Variants in CPLANE1 observed in about 807,000 individuals in gnomAD.
CPLANE1 encodes ciliogenesis and planar polarity effector 1.
CPLANE1 carries 263 observed loss-of-function variants against 362.5 expected under a neutral mutation model. The ratio of observed to expected loss-of-function variants is 0.73; its 90% CI spans 0.66 to 0.80. The LOEUF (loss-of-function observed/expected upper bound fraction) is 0.80. Among genes scored for constraint, CPLANE1 ranks in the 30% least tolerant of loss-of-function variants. The pLI, the probability that CPLANE1 is intolerant of heterozygous loss-of-function variation, is 0.00. For missense variants in CPLANE1, 3,461 were observed against 3,793.4 expected, an observed-to-expected ratio of 0.91 and a Z score of 2.30; for synonymous variants, 1,212 against 1,302.6, an observed-to-expected ratio of 0.93 and a Z score of 1.50.
intron 9 of CPLANE1, among the ~76,000 whole-genome samples, chr5:37,228,675 G>A (rs1796990749): frequency 6.6e-6 from 1 of 151,940 alleles, no homozygotes; most frequent in Admixed American, 6.6e-5. Context: ...AAATGTGGGG[G>A]ACAACATACT....
Position 37,142,333 on chromosome 5 carries a change from C to T in CPLANE1, c.8609G>A (p.Ser2870Asn). The change falls in exon 44 of 53, where the codon AGT becomes AAT. Residue 2870 changes from serine to asparagine, a missense_variant. Transcript: ENST00000651892. ...ADSAVSLSSS[S>N]DQNTTSPGMN... ...ACCAGGAGAAGTAGTATTCTGATCA[C>T]TGGAACTGGAAAGGCTGACAGCTGA... 1 of 1,600,040 alleles carries T rather than the reference C, an allele frequency of 6.2e-7. No homozygotes were observed. Among genetic ancestry groups the T allele is most frequent in the Non-Finnish European group, 8.5e-7 (1 of 1,174,990 alleles).
At chr5:37,133,018 T>TA (rs1766437683) in intron 46 of CPLANE1, among the ~76,000 whole-genome samples, 1 of 152,182 alleles carries the variant, frequency 6.6e-6, no homozygotes. Flanking sequence ...ACAACCTTTA[T>TA]AGGGAGTCAT....
chr5:37,128,583 C>T (rs1247183580), intron 46 of CPLANE1, among the ~76,000 whole-genome samples: 2 of 151,982 alleles, frequency 1.3e-5, no homozygotes, highest in African/African-American at 4.8e-5. Context: ...CCATAAGGGC[C>T]AGGTGGCTCA....
At chr5:37,117,060 T>C (rs1761221050) in intron 50 of CPLANE1, among the ~76,000 whole-genome samples, 1 of 152,200 alleles carries the variant, frequency 6.6e-6, no homozygotes, top group African/African-American at 2.4e-5. Flanking sequence ...CTTTTATCTT[T>C]GCCTTAAAAG....
At position 37,194,997 on chromosome 5, in the gene CPLANE1, C is replaced by CA. The variant is rs374030741; in HGVS notation, c.3811+860dup. 1.5e-3 allele frequency among the ~76,000 whole-genome samples: 231 copies of CA among 150,946 alleles called. 1 individual carries two copies. Among genetic ancestry groups the CA allele is most frequent in the African/African-American group, 5.3e-3 (216 of 41,090 alleles). On this transcript the variant is annotated intron_variant, in intron 21 of 52. Coordinates refer to ENST00000651892, the MANE Select transcript of CPLANE1 (RefSeq NM_001384732.1). ...GAAACCCCGTCTCTACTAAAAAATA[C>CA]AAAAAAAATTAGCCGGGCACGGTGG...
chr5:37,128,368 G>A (rs2150184861), intron 46 of CPLANE1, among the ~76,000 whole-genome samples: 1 of 152,286 alleles, frequency 6.6e-6, no homozygotes, highest in Admixed American at 6.5e-5. Context: ...AACTACTGAA[G>A]TAAGTCTTCT....
intron 46 of CPLANE1, 109 bp downstream of exon 46, chr5:37,138,611 T>C: frequency 8.2e-7 from 1 of 1,224,788 alleles, no homozygotes; most frequent in Non-Finnish European, 1.2e-6. Context: ...AAATCTATTC[T>C]AAGCTTCAGA....
At position 37,145,284 on chromosome 5, in the gene CPLANE1, G is replaced by A. The variant is rs181957679; in HGVS notation, c.8462-2804C>T. ...CACACCACTGCACTCTCCAGACTGG[G>A]CCACAGTGTGAGACTCCATCTCAAA... On this transcript the variant is annotated intron_variant, in intron 43 of 52. Transcript: ENST00000651892. Among the ~76,000 whole-genome samples, 524 of 152,266 alleles carry A rather than the reference G, an allele frequency of 3.4e-3. 2 individuals carry two copies. The highest frequency in any genetic ancestry group is 0.012 in the African/African-American group (504 of 41,550).
rs189769641 is a variant in CPLANE1 at position 37,211,088 on chromosome 5, T to C, written c.2920+2471A>G. 5.3e-6 allele frequency: 5 copies of C among 945,520 alleles called. No individual in the cohort carries two copies. In the Admixed American group the frequency reaches 8.5e-5, roughly 16 times the overall value. The allele number at this position is 945,520 out of a possible 1,614,324, so 58.6% of individuals were successfully genotyped here. A position where few individuals can be genotyped will look rare whatever the true frequency, so the allele number is the denominator to read the frequency against. Reference sequence around the variant, plus strand: ...ATCATTCTGCCAATGGATTAATAAATGGCAACATGGTGCTTCACAATGGTG... The same window carrying C: ...ATCATTCTGCCAATGGATTAATAAACGGCAACATGGTGCTTCACAATGGTG... On this transcript the variant is annotated intron_variant, in intron 16 of 52. Coordinates refer to ENST00000651892, the MANE Select transcript of CPLANE1 (RefSeq NM_001384732.1).
intron 16 of CPLANE1, among the ~76,000 whole-genome samples, chr5:37,207,920 T>G (rs1012149419): frequency 1.3e-5 from 2 of 152,146 alleles, no homozygotes; most frequent in African/African-American, 4.8e-5. Context: ...TTTTTTTGTT[T>G]GCTTTGGTTT....
At chr5:37,110,294 G>A (rs1032499657) in intron 51 of CPLANE1, among the ~76,000 whole-genome samples, 6 of 151,756 alleles carry the variant, frequency 4.0e-5, no homozygotes, top group Non-Finnish European at 5.9e-5. Flanking sequence ...TACCAACTTT[G>A]TTTCTGTACC....
chr5:37,221,790 TA>T (rs1467704362), intron 14 of CPLANE1, among the ~76,000 whole-genome samples: 1 of 152,132 alleles, frequency 6.6e-6, no homozygotes, highest in East Asian at 1.9e-4. Context: ...TCCTATCTTA[TA>T]TTTTTTTAGC....
chr5:37,213,344 A>C (rs1198588835), intron 16 of CPLANE1, among the ~76,000 whole-genome samples: 1 of 152,198 alleles, frequency 6.6e-6, no homozygotes, highest in Non-Finnish European at 1.5e-5. Context: ...AACTTGTCCC[A>C]ATTTTGTGAT....
intron 21 of CPLANE1, among the ~76,000 whole-genome samples, chr5:37,188,489 C>G (rs1025007511): frequency 6.6e-6 from 1 of 152,158 alleles, no homozygotes; most frequent in Admixed American, 6.5e-5. Flanking sequence ...GTGGGAGGAT[C>G]GTTTGAGCCC....
At chr5:37,210,631 A>C (rs1792321553) in intron 16 of CPLANE1, 1 of 1,598,544 alleles carries the variant, frequency 6.3e-7, no homozygotes, top group Non-Finnish European at 8.5e-7. Context: ...ATAACAAAAC[A>C]AAACCATATG....
intron 23 of CPLANE1, among the ~76,000 whole-genome samples, chr5:37,187,076 A>AAAAAACAAAC (rs1381147617): frequency 3.6e-4 from 54 of 149,402 alleles, no homozygotes; most frequent in African/African-American, 1.3e-3. Flanking sequence ...AAAAAAAAAA[A>AAAAAACAAAC]AAAAAAAAAA....
rs554802647 is a variant in CPLANE1, at chr5:37,143,567, T to C, written c.8462-1087A>G. On this transcript the variant is annotated intron_variant, in intron 43 of 52. Transcript: ENST00000651892. ...ACAGCAAAAAAGAGAATTAGTAAAC[T>C]AGAAGACAGATATGAGGAAATCATC... Among the ~76,000 whole-genome samples the C allele has an allele frequency of 3.9e-5, 6 of 152,280 alleles. No homozygotes were observed. The East Asian group carries it at 9.6e-4, about 24-fold the overall frequency.
chr5:37,146,828 AAAAT>A (rs1322160234), intron 43 of CPLANE1, among the ~76,000 whole-genome samples: 1 of 152,166 alleles, frequency 6.6e-6, no homozygotes, highest in East Asian at 1.9e-4. Flanking sequence ...AAAATTTTAA[AAAAT>A]AAAGCATATC....
chr5:37,244,432 G>C lies in CPLANE1; in HGVS notation c.513C>G (p.Leu171=), dbSNP rs914738528. The change falls in exon 5 of 53, where the codon CTC becomes CTG. Residue 171 remains leucine (L), a synonymous_variant. Coordinates refer to ENST00000651892, the MANE Select transcript of CPLANE1 (RefSeq NM_001384732.1). ...CTTCTTTATCTTCGGTGGAAGGCAA[G>C]AGAACTGCTTCTTCAGGTATGACCT... ...WSQVIPEEAV[L]LPSTEDKEAV... 1.9e-6 allele frequency: 3 copies of C among 1,551,316 alleles called. No individual in the cohort carries two copies. The highest frequency in any genetic ancestry group is 2.4e-5 in the South Asian group (2 of 84,002).
Sources: gnomAD v4.1 joint callset for allele counts (sites outside exome capture counted in the v4.1 genomes callset) on GRCh38, gnomAD v4.1.1 for gene constraint, MANE v1.5 for transcripts, NCBI Gene and HGNC (gene_info 2026-07-23, HGNC 2026-07-21) for gene names.